USP32: variants seen among roughly 807,000 people sequenced by gnomAD.
USP32 encodes the protein ubiquitin specific peptidase 32.
USP32 carries 59 observed loss-of-function variants against 204.8 expected under a neutral mutation model. That is an observed-to-expected ratio of 0.29 (90% confidence interval 0.23 to 0.36). USP32 has a LOEUF of 0.36. USP32 is among the 10% of genes least tolerant of loss of function. The pLI, the probability that USP32 is intolerant of heterozygous loss-of-function variation, is 1.00. For missense variants in USP32, 1,160 were observed against 1,946.4 expected (o/e 0.60, Z 7.60); for synonymous variants, 517 against 678.4 (o/e 0.76, Z 3.70).
intron 31 of USP32, among the ~76,000 whole-genome samples, chr17:60,182,776 T>A (rs1224485087): frequency 1.3e-5 from 2 of 150,472 alleles, no homozygotes; most frequent in Non-Finnish European, 3.0e-5. Flanking sequence ...CTCAAAAAAA[T>A]AAAAAATAAA....
chr17:60,368,710 A>G (rs1025697706), intron 1 of USP32, among the ~76,000 whole-genome samples: 3 of 152,178 alleles, frequency 2.0e-5, no homozygotes, highest in African/African-American at 7.2e-5. Flanking sequence ...CATAGTAAGC[A>G]CTTCACAGTT....
intron 29 of USP32, among the ~76,000 whole-genome samples, chr17:60,187,944 G>A (rs1377296694): frequency 8.5e-5 from 13 of 152,050 alleles, no homozygotes; most frequent in Non-Finnish European, 1.8e-4. Context: ...AAAGAGAGTG[G>A]CCTAAGAATT....
intron 2 of USP32, among the ~76,000 whole-genome samples, chr17:60,307,956 T>C (rs1331368869): frequency 6.6e-6 from 1 of 152,200 alleles, no homozygotes; most frequent in Non-Finnish European, 1.5e-5. Context: ...CACTGGCAGA[T>C]GCCGGCAGGC....
chr17:60,268,556 T>C (rs914896793), intron 7 of USP32, among the ~76,000 whole-genome samples: 6 of 140,990 alleles, frequency 4.3e-5, no homozygotes, highest in African/African-American at 1.7e-4. Flanking sequence ...GGACTCCAAC[T>C]TGGGCAACAG....
At chr17:60,184,734 C>T (rs1417164001) in intron 30 of USP32, among the ~76,000 whole-genome samples, 8 of 148,730 alleles carry the variant, frequency 5.4e-5, no homozygotes, top group African/African-American at 2.0e-4. Flanking sequence ...CACTTGAGCC[C>T]GAGAGGTGGA....
At chr17:60,396,109 G>C (rs1250820798), upstream of USP32, among the ~76,000 whole-genome samples, 1 of 76,752 alleles carries the variant, frequency 1.3e-5, no homozygotes, top group Non-Finnish European at 2.3e-5. Context: ...ACAGGGTCTT[G>C]CTTTGTCACC....
chr17:60,375,626 T>C (rs189947314), intron 1 of USP32, among the ~76,000 whole-genome samples: 5 of 152,286 alleles, frequency 3.3e-5, no homozygotes. Flanking sequence ...GTTTTTGTGA[T>C]GGAGTCTCGC....
chr17:60,326,501 G>C (rs1438717901), intron 2 of USP32, among the ~76,000 whole-genome samples: 1 of 152,104 alleles, frequency 6.6e-6, no homozygotes, highest in Non-Finnish European at 1.5e-5. Flanking sequence ...GGTAGGGACT[G>C]TTGGCCAGGC....
chr17:60,363,424 C>A (rs903888776), intron 1 of USP32, among the ~76,000 whole-genome samples: 1 of 132,318 alleles, frequency 7.6e-6, no homozygotes, highest in Non-Finnish European at 1.6e-5. Flanking sequence ...CACTGCACTT[C>A]GGCCTGGGTG....
In USP32 at chr17:60,208,735, G is replaced by A. The variant is rs749650078; in HGVS notation, c.2692C>T (p.His898Tyr). 2 of 1,608,206 alleles carry A rather than the reference G, an allele frequency of 1.2e-6. No homozygotes were observed. Among genetic ancestry groups the A allele is most frequent in the South Asian group, 1.1e-5 (1 of 89,706 alleles). Residue 898 changes from histidine to tyrosine, a missense_variant, in exon 23 of 34, where the codon CAT becomes TAT. This residue lies in a region of USP32 where 132 missense variants were observed against 432.8 expected (regional missense o/e 0.30). Coordinates refer to ENST00000300896, the MANE Select transcript of USP32 (RefSeq NM_032582.4). Reference sequence around the variant, plus strand: ...AAAGGGTCAAATCGGACACTTATATGCCCACATGTCTTGCATTTTACTTGA... The same window carrying A: ...AAAGGGTCAAATCGGACACTTATATACCCACATGTCTTGCATTTTACTTGA... ...RSQVKCKTCG[H>Y]ISVRFDPFNF... is the part of the protein sequence containing the mutation.
chr17:60,288,944 G>A (rs558562294), intron 4 of USP32, among the ~76,000 whole-genome samples: 23 of 152,258 alleles, frequency 1.5e-4, no homozygotes, highest in African/African-American at 5.5e-4. Context: ...GCAGTACACT[G>A]CCAATAAGCC....
chr17:60,224,439 T>G (rs556073234), intron 13 of USP32, among the ~76,000 whole-genome samples: 1 of 152,350 alleles, frequency 6.6e-6, no homozygotes, highest in Admixed American at 6.5e-5. Context: ...ATGCTAGCTC[T>G]GTCCAATTTG....
At chr17:60,241,457 C>A (rs1242068556) in intron 11 of USP32, among the ~76,000 whole-genome samples, 4 of 151,938 alleles carry the variant, frequency 2.6e-5, no homozygotes, top group Non-Finnish European at 5.9e-5. Context: ...TTTTTTAAAT[C>A]AACATTTGCT....
intron 31 of USP32, among the ~76,000 whole-genome samples, chr17:60,182,912 T>C (rs1226767074): frequency 6.6e-6 from 1 of 152,244 alleles, no homozygotes. Flanking sequence ...AGGCACTGTG[T>C]GAAGTGCTTT....
At position 60,392,065 on chromosome 17, in the gene USP32, A is replaced by G; in HGVS notation, c.-126T>C. ...GTCCCCCGCCCCCACCTCCCCCCAC[A>G]CTAACAAGTGCGGCTTCTGCCCCGG... On this transcript the variant is annotated 5_prime_UTR_variant, in exon 1 of 34. Coordinates refer to ENST00000300896, the MANE Select transcript of USP32 (RefSeq NM_032582.4). 2 of 974,254 alleles carry G rather than the reference A, an allele frequency of 2.1e-6. No individual in the cohort carries two copies. The highest frequency in any genetic ancestry group is 2.8e-6 in the Non-Finnish European group (2 of 725,196). The allele number at this position is 974,254 out of a possible 1,614,324, so 60.4% of individuals were successfully genotyped here. A position where few individuals can be genotyped will look rare whatever the true frequency, so the allele number is the denominator to read the frequency against.
At chr17:60,220,900 A>G (rs1012997676) in intron 15 of USP32, among the ~76,000 whole-genome samples, 2 of 152,020 alleles carry the variant, frequency 1.3e-5, no homozygotes, top group Non-Finnish European at 2.9e-5. Context: ...CGCCCGCCTC[A>G]GCCTCCCAAA....
At chr17:60,294,413 A>T (rs1336939620) in intron 4 of USP32, among the ~76,000 whole-genome samples, 5 of 113,666 alleles carry the variant, frequency 4.4e-5, no homozygotes, top group Admixed American at 2.5e-4. Flanking sequence ...TGTGTGTATT[A>T]CTGTGTTAGT....
At chr17:60,360,494 A>G (rs986442632) in intron 1 of USP32, among the ~76,000 whole-genome samples, 2 of 151,684 alleles carry the variant, frequency 1.3e-5, no homozygotes, top group Non-Finnish European at 2.9e-5. Flanking sequence ...CCCCGTATCT[A>G]CTAAAAATAC....
intron 6 of USP32, 122 bp downstream of exon 6, chr17:60,271,228 C>T: frequency 7.8e-7 from 1 of 1,277,146 alleles, no homozygotes; most frequent in Non-Finnish European, 1.1e-6. Flanking sequence ...TTCCCCACTC[C>T]ATTAAACCTG....
Sources: allele counts gnomAD v4.1 joint callset (sites outside exome capture counted in the v4.1 genomes callset), GRCh38; gene constraint gnomAD v4.1.1; regional missense constraint gnomAD v4.1.1; transcripts MANE v1.5; gene names NCBI Gene and HGNC (gene_info 2026-07-23, HGNC 2026-07-21).